Variants in STK32B observed in about 807,000 individuals in gnomAD.
STK32B encodes the protein serine/threonine-protein kinase 32B.
STK32B carries 43 observed loss-of-function variants against 52.6 expected under a neutral mutation model. The ratio of observed to expected loss-of-function variants is 0.82; its 90% CI spans 0.64 to 1.05. The LOEUF (loss-of-function observed/expected upper bound fraction) is 1.05. Ranked by LOEUF, STK32B falls within the 50% of genes least tolerant of loss-of-function variation. The probability of loss-of-function intolerance (pLI) is 0.00; values close to 1 mark genes in which losing one functional copy is unlikely to be tolerated. For missense variants in STK32B, 621 were observed against 534.6 expected, an observed-to-expected ratio of 1.16 and a Z score of -1.59; for synonymous variants, 238 against 204.3, an observed-to-expected ratio of 1.17 and a Z score of -1.41.
At chr4:5,035,378 G>A in the STK32B span, among the ~76,000 whole-genome samples, 2 of 152,164 alleles carry the variant, frequency 1.3e-5, no homozygotes, top group Admixed American at 6.5e-5. Flanking sequence ...TATAGAGCTC[G>A]ACACATAGTA....
At chr4:5,439,399 T>G (rs1448754275) in intron 6 of STK32B, among the ~76,000 whole-genome samples, 1 of 152,058 alleles carries the variant, frequency 6.6e-6, no homozygotes, top group Non-Finnish European at 1.5e-5. Context: ...CATAAATGTC[T>G]TCTTTTGAGA....
chr4:5,410,404 A>G (rs1223237422), intron 5 of STK32B, among the ~76,000 whole-genome samples: 3 of 152,246 alleles, frequency 2.0e-5, no homozygotes, highest in Non-Finnish European at 4.4e-5. Flanking sequence ...GCCAGAGAAT[A>G]CTTGAAAGCA....
At chr4:5,233,577 G>C (rs1279850800) in intron 3 of STK32B, among the ~76,000 whole-genome samples, 2 of 151,960 alleles carry the variant, frequency 1.3e-5, no homozygotes, top group East Asian at 3.9e-4. Context: ...AATATTTCAA[G>C]ACTGGAGCAA....
rs570866900 is a variant in STK32B, at chr4:5,094,067, C to T, written c.52+42152C>T. 3.9e-5 allele frequency among the ~76,000 whole-genome samples: 6 copies of T among 152,272 alleles called. No individual in the cohort carries two copies. In the East Asian group the frequency reaches 9.7e-4, roughly 25 times the overall value. On this transcript the variant is annotated intron_variant, in intron 1 of 11. Coordinates refer to ENST00000282908, the MANE Select transcript of STK32B (RefSeq NM_018401.3). ...TAGCTACACTGGCAGGCATGAAAAC[C>T]TTGCACTTTTTGTGAAATACCTCTT...
At chr4:5,286,819 A>G (rs1728575789) in intron 3 of STK32B, among the ~76,000 whole-genome samples, 1 of 114,316 alleles carries the variant, frequency 8.7e-6, no homozygotes, top group Non-Finnish European at 1.6e-5. Context: ...TTTTTTTGAG[A>G]CGGAGTTTCG....
At chr4:5,350,621 G>T (rs1012269999) in intron 4 of STK32B, among the ~76,000 whole-genome samples, 2 of 152,000 alleles carry the variant, frequency 1.3e-5, no homozygotes, top group Non-Finnish European at 2.9e-5. Flanking sequence ...TAAATGACAG[G>T]AATATACCCT....
At chr4:5,265,095 A>G (rs1005025053) in intron 3 of STK32B, among the ~76,000 whole-genome samples, 2 of 152,186 alleles carry the variant, frequency 1.3e-5, no homozygotes, top group Non-Finnish European at 2.9e-5. Flanking sequence ...ATCTTTGTCA[A>G]TGGTGTGAAG....
chr4:5,117,579 A>G (rs1051810265), intron 1 of STK32B, among the ~76,000 whole-genome samples: 4 of 152,030 alleles, frequency 2.6e-5, no homozygotes, highest in African/African-American at 9.7e-5. Flanking sequence ...CCTTATTTTT[A>G]GCCTATTTTT....
intron 3 of STK32B, among the ~76,000 whole-genome samples, chr4:5,294,187 G>C (rs1020425330): frequency 6.6e-6 from 1 of 152,154 alleles, no homozygotes; most frequent in Non-Finnish European, 1.5e-5. Flanking sequence ...TTTGGTTACT[G>C]TAGCCTTGTA....
intron 1 of STK32B, among the ~76,000 whole-genome samples, chr4:5,136,041 G>A (rs1473379725): frequency 2.0e-5 from 3 of 152,138 alleles, no homozygotes; most frequent in African/African-American, 4.8e-5. Context: ...GGTGAATTCA[G>A]GAGGTGGTAC....
chr4:5,317,358 ATAATGTATATG>A (rs1731124613), intron 3 of STK32B, among the ~76,000 whole-genome samples: 5 of 68,250 alleles, frequency 7.3e-5, no homozygotes, highest in African/African-American at 4.3e-4. Flanking sequence ...TATAATATAT[ATAATGTATATG>A]TATTATATAT....
chr4:5,019,555 C>T, the STK32B span: 1 of 1,228,432 alleles, frequency 8.1e-7, no homozygotes, highest in Non-Finnish European at 1.1e-6. Flanking sequence ...GGCTGCGGTC[C>T]ATCCAGGGTG....
In STK32B at chr4:5,417,021, C is replaced by T. The variant is rs545750264; in HGVS notation, c.562+87C>T. On this transcript the variant is annotated intron_variant, in intron 6 of 11. Coordinates refer to ENST00000282908, the MANE Select transcript of STK32B (RefSeq NM_018401.3). ...TTCTCTTGTTTCATCTGCCACTGCC[C>T]GCTGCCACATACCCTCCCATGCTCA... The T allele has an allele frequency of 1.8e-4, 222 of 1,202,930 alleles. No homozygotes were observed. The African/African-American group carries it at 1.9e-3, about 11-fold the overall frequency. 74.5% of individuals were successfully genotyped at this position (1,202,930 alleles called of 1,614,324 possible).
chr4:5,086,082 TG>T (rs1712717359), intron 1 of STK32B, among the ~76,000 whole-genome samples: 2 of 152,158 alleles, frequency 1.3e-5, no homozygotes, highest in Non-Finnish European at 2.9e-5. Context: ...TAATAGTTGG[TG>T]CAAACAATAG....
intron 3 of STK32B, among the ~76,000 whole-genome samples, chr4:5,299,102 T>G (rs571039185): frequency 6.6e-6 from 1 of 151,964 alleles, no homozygotes; most frequent in African/African-American, 2.4e-5. Context: ...CCACCCTGCT[T>G]CTGCTTGCCC....
intron 3 of STK32B, among the ~76,000 whole-genome samples, chr4:5,229,144 G>A (rs1315591715): frequency 6.6e-6 from 1 of 151,574 alleles, no homozygotes; most frequent in African/African-American, 2.4e-5. Flanking sequence ...TTGACACAGG[G>A]TTGCCAGATA....
chr4:5,020,871 G>A, the STK32B span, among the ~76,000 whole-genome samples: 42 of 152,342 alleles, frequency 2.8e-4, no homozygotes, highest in African/African-American at 9.1e-4. Context: ...ATTCCCAGGC[G>A]AGGAAACTGA....
In STK32B at chr4:5,399,358, G is replaced by C. The variant is rs534864725; in HGVS notation, c.472+1114G>C. The stretch of plus-strand genomic sequence containing the variant: ...ATGGTTCTATCTCAGAGCTCCTCTC[G>C]AACCTTCCATGAGCCAGCAGCATAG... On this transcript the variant is annotated intron_variant, in intron 5 of 11. Coordinates refer to ENST00000282908, the MANE Select transcript of STK32B (RefSeq NM_018401.3). This position sits in a 1 kb window ranked among gnomAD's most constrained non-coding sequence, Gnocchi z 5.4. 6.6e-6 allele frequency among the ~76,000 whole-genome samples: 1 copy of C among 152,186 alleles called. No homozygotes were observed. Among genetic ancestry groups the C allele is most frequent in the East Asian group, 1.9e-4 (1 of 5,164 alleles).
intron 3 of STK32B, among the ~76,000 whole-genome samples, chr4:5,311,332 C>T (rs1167167401): frequency 6.6e-6 from 1 of 152,088 alleles, no homozygotes; most frequent in African/African-American, 2.4e-5. Flanking sequence ...AAATATCACA[C>T]AGTACCTCGT....
Sources: allele counts gnomAD v4.1 joint callset (sites outside exome capture counted in the v4.1 genomes callset), GRCh38; gene constraint gnomAD v4.1.1; non-coding constraint Gnocchi (gnomAD v3.1); transcripts MANE v1.5; gene names NCBI Gene and HGNC (gene_info 2026-07-23, HGNC 2026-07-21).